Variants in RALGPS1 observed in about 807,000 individuals in gnomAD.
RALGPS1 encodes ras-specific guanine nucleotide-releasing factor RalGPS1.
RALGPS1 carries 19 observed loss-of-function variants against 78.8 expected under a neutral mutation model. That is an observed-to-expected ratio of 0.24 (90% CI 0.17 to 0.35). The LOEUF is 0.35. Among genes scored for constraint, RALGPS1 ranks in the 10% least tolerant of loss-of-function variants. The pLI is 1.00. For synonymous variants in RALGPS1, 228 were observed against 256.3 expected, an observed-to-expected ratio of 0.89 and a Z score of 1.06; for missense variants, 454 against 688.3, an observed-to-expected ratio of 0.66 and a Z score of 3.81.
rs570600556 is a variant in RALGPS1, at chr9:126,967,731, T to C, written c.165+1780T>C. 4.6e-5 allele frequency among the ~76,000 whole-genome samples: 7 copies of C among 152,036 alleles called. No individual in the cohort carries two copies. The South Asian group carries it at 1.5e-3, about 32-fold the overall frequency. ...TTTTTGATTTTTAGTAGAGATGAGA[T>C]CTCACTGTGTTGCTGTGGCTGGTCT... On this transcript the variant is annotated intron_variant, in intron 3 of 18. Transcript: ENST00000259351.
At chr9:127,067,034 C>G (rs916170422) in intron 7 of RALGPS1, among the ~76,000 whole-genome samples, 22 of 152,140 alleles carry the variant, frequency 1.4e-4, no homozygotes, top group Non-Finnish European at 2.8e-4. Context: ...TGTGTTGAAT[C>G]AAGTTCCCCA....
chr9:126,951,087 C>T (rs1463333207), intron 1 of RALGPS1, among the ~76,000 whole-genome samples: 4 of 152,042 alleles, frequency 2.6e-5, no homozygotes, highest in East Asian at 1.9e-4. Flanking sequence ...ATAAATTCCT[C>T]GACACATACA....
chr9:126,962,594 G>A (rs2039004445), intron 2 of RALGPS1, among the ~76,000 whole-genome samples: 1 of 152,268 alleles, frequency 6.6e-6, no homozygotes, highest in South Asian at 2.1e-4. Context: ...TGTAGCAAGT[G>A]CCACATTCCA....
At chr9:126,977,201 C>T (rs2040748977) in intron 3 of RALGPS1, among the ~76,000 whole-genome samples, 1 of 152,042 alleles carries the variant, frequency 6.6e-6, no homozygotes, top group Non-Finnish European at 1.5e-5. Flanking sequence ...AGCACTCTAC[C>T]ATATAATTTA....
At chr9:127,056,464 C>T (rs757091083) in intron 7 of RALGPS1, among the ~76,000 whole-genome samples, 2 of 152,208 alleles carry the variant, frequency 1.3e-5, no homozygotes, top group Non-Finnish European at 2.9e-5. Flanking sequence ...ACTATTCAGC[C>T]TTTGTTTTAG....
intron 4 of RALGPS1, among the ~76,000 whole-genome samples, chr9:127,005,062 GAAGGAGATT>G (rs1384374751): frequency 1.3e-5 from 2 of 152,216 alleles, no homozygotes; most frequent in Non-Finnish European, 2.9e-5. Flanking sequence ...CGGAGCAGAG[GAAGGAGATT>G]AAGCAGTTCC....
At chr9:127,052,352 T>C (rs868204206) in intron 6 of RALGPS1, among the ~76,000 whole-genome samples, 21 of 152,358 alleles carry the variant, frequency 1.4e-4, no homozygotes, top group African/African-American at 4.8e-4. Context: ...CCAAATGTTC[T>C]CACTAATTTG....
chr9:127,005,872 G>T (rs186857580), intron 4 of RALGPS1, among the ~76,000 whole-genome samples: 40 of 152,322 alleles, frequency 2.6e-4, no homozygotes, highest in African/African-American at 9.6e-4. Context: ...GGAGACGTGG[G>T]TGGACAAGTC....
chr9:126,977,226 G>A (rs2040751265), intron 3 of RALGPS1, among the ~76,000 whole-genome samples: 1 of 152,130 alleles, frequency 6.6e-6, no homozygotes, highest in Non-Finnish European at 1.5e-5. Flanking sequence ...CAGTATCAAT[G>A]ACTTCAGAAG....
chr9:127,026,690 C>T (rs963455116), intron 4 of RALGPS1, among the ~76,000 whole-genome samples: 1 of 152,158 alleles, frequency 6.6e-6, no homozygotes, highest in Non-Finnish European at 1.5e-5. Context: ...GTTGGCTTCA[C>T]TCATATGCCT....
intron 4 of RALGPS1, among the ~76,000 whole-genome samples, chr9:127,001,809 G>C (rs2043333342): frequency 6.6e-6 from 1 of 152,138 alleles, no homozygotes; most frequent in African/African-American, 2.4e-5. Flanking sequence ...GCTTGAACCT[G>C]GGAGGCGGAG....
At chr9:127,052,521 A>G (rs1243453928) in intron 6 of RALGPS1, among the ~76,000 whole-genome samples, 1 of 152,214 alleles carries the variant, frequency 6.6e-6, no homozygotes, top group Non-Finnish European at 1.5e-5. Flanking sequence ...CTGTTGGCAC[A>G]GTCGGGGTTT....
At chr9:126,958,165 A>G (rs892301791) in intron 1 of RALGPS1, among the ~76,000 whole-genome samples, 1 of 140,596 alleles carries the variant, frequency 7.1e-6, no homozygotes, top group African/African-American at 2.5e-5. Flanking sequence ...ATATACACAC[A>G]CACACACACA....
chr9:127,186,472 C>G (rs770118590), intron 11 of RALGPS1, among the ~76,000 whole-genome samples: 1 of 152,220 alleles, frequency 6.6e-6, no homozygotes, highest in African/African-American at 2.4e-5. Flanking sequence ...AACAAACTTG[C>G]CAGCCACCCA....
intron 8 of RALGPS1, among the ~76,000 whole-genome samples, chr9:127,151,142 C>A (rs1472593388): frequency 4.0e-5 from 6 of 151,754 alleles, no homozygotes; most frequent in Non-Finnish European, 7.4e-5. Context: ...AGAGATCGCA[C>A]CACTGTACTC....
chr9:127,064,890 G>T (rs966863742), intron 7 of RALGPS1, among the ~76,000 whole-genome samples: 3 of 102,898 alleles, frequency 2.9e-5, no homozygotes, highest in African/African-American at 1.3e-4. Flanking sequence ...TTTTGTTTTT[G>T]GTTTTGGTTT....
At position 127,149,948 on chromosome 9, in the gene RALGPS1, C is replaced by T. The variant is rs2058324807; in HGVS notation, c.611-16121C>T. Among the ~76,000 whole-genome samples the T allele has an allele frequency of 2.0e-5, 3 of 152,218 alleles. No individual in the cohort carries two copies. In the South Asian group the frequency reaches 6.2e-4, roughly 32 times the overall value. On this transcript the variant is annotated intron_variant, in intron 8 of 18. Transcript: ENST00000259351. Reference sequence around the variant, plus strand: ...CCCCTGCCCTGGCTCAACAGCTTCACACGATCACATGCGGTCAAATAAGGC... The same window carrying T: ...CCCCTGCCCTGGCTCAACAGCTTCATACGATCACATGCGGTCAAATAAGGC...
chr9:126,933,393 A>T (rs2035978012), intron 1 of RALGPS1, among the ~76,000 whole-genome samples: 1 of 152,162 alleles, frequency 6.6e-6, no homozygotes, highest in South Asian at 2.1e-4. Flanking sequence ...TGAGTGGGTG[A>T]GTGTCTGACG....
At chr9:127,013,907 A>G (rs2044587245) in intron 4 of RALGPS1, among the ~76,000 whole-genome samples, 2 of 152,168 alleles carry the variant, frequency 1.3e-5, no homozygotes, top group East Asian at 1.9e-4. Context: ...CAGCTAAGCC[A>G]GTCCTTCTTA....
Sources: allele counts gnomAD v4.1 joint callset (sites outside exome capture counted in the v4.1 genomes callset), GRCh38; gene constraint gnomAD v4.1.1; transcripts MANE v1.5; gene names NCBI Gene and HGNC (gene_info 2026-07-23, HGNC 2026-07-21).